Variants in ATRN observed in about 807,000 individuals in gnomAD.
ATRN encodes the protein attractin, also known as attractin-2.
ATRN carries 54 observed loss-of-function variants against 178.7 expected under a neutral mutation model. The ratio of observed to expected loss-of-function variants is 0.30; its 90% CI spans 0.24 to 0.38. The LOEUF is 0.38. ATRN is among the 10% of genes least tolerant of loss of function. The pLI is 1.00. For synonymous variants in ATRN, 636 were observed against 663.0 expected (o/e 0.96, Z 0.63); for missense variants, 1,443 against 1,815.1 (o/e 0.79, Z 3.73).
At position 3,578,711 on chromosome 20, in the gene ATRN, C is replaced by T. The variant is rs1402948480; in HGVS notation, c.2483C>T (p.Thr828Ile). Residue 828 changes from threonine (T) to isoleucine (I), a missense_variant, in exon 15 of 29, where the codon ACC (threonine) becomes ATC (isoleucine). Coordinates refer to ENST00000262919, the MANE Select transcript of ATRN (RefSeq NM_139321.3). ...NHNALLASLT[T>I]QKKVEFVLKQ... Reference sequence around the variant, plus strand: ...AATGCCCTTTTGGCTTCTCTTACAACCCAGAAGAAGGTAGAATTTGTCCTT... The same window carrying T: ...AATGCCCTTTTGGCTTCTCTTACAATCCAGAAGAAGGTAGAATTTGTCCTT... 1.9e-6 allele frequency: 3 copies of T among 1,614,096 alleles called. No individual in the cohort carries two copies. Among genetic ancestry groups the T allele is most frequent in the Non-Finnish European group, 2.5e-6 (3 of 1,179,988 alleles).
At chr20:3,479,318 C>T (rs1229475573) in intron 1 of ATRN, among the ~76,000 whole-genome samples, 1 of 152,156 alleles carries the variant, frequency 6.6e-6, no homozygotes, top group African/African-American at 2.4e-5. Context: ...CCTTGCTTTC[C>T]CCTAAGAGAA....
intron 27 of ATRN, among the ~76,000 whole-genome samples, chr20:3,640,721 A>AAC (rs1410005896): frequency 6.6e-6 from 1 of 152,236 alleles, no homozygotes; most frequent in South Asian, 2.1e-4. Flanking sequence ...TTCCCCCCAG[A>AAC]ATTAAAAGTA....
intron 3 of ATRN, among the ~76,000 whole-genome samples, 179 bp from the exon 4 acceptor site, chr20:3,545,583 T>C (rs1346983644): frequency 6.6e-6 from 1 of 152,228 alleles, no homozygotes; most frequent in Non-Finnish European, 1.5e-5. Flanking sequence ...GATTCAGATC[T>C]GTTCCTCAAG....
At position 3,645,331 on chromosome 20, in the gene ATRN, C is replaced by T. The variant is rs16988798; in HGVS notation, c.4165+1063C>T. On this transcript the variant is annotated intron_variant, in intron 28 of 28. Coordinates refer to ENST00000262919, the MANE Select transcript of ATRN (RefSeq NM_139321.3). The surrounding 1 kb of genome is among the most constrained non-coding windows in gnomAD (Gnocchi z 4.7). The stretch of plus-strand genomic sequence containing the variant: ...TAGTATCTTCACGAGGGAGGCCTTT[C>T]GACATGGCTCGGCCAGGATTCATTG... Among the ~76,000 whole-genome samples the T allele has an allele frequency of 0.017, 2,542 of 152,322 alleles. 72 individuals carry two copies. Among genetic ancestry groups the T allele is most frequent in the African/African-American group, 0.058 (2,411 of 41,560 alleles).
At chr20:3,600,860 C>A in intron 22 of ATRN, 86 bp from the exon 23 acceptor site, 1 of 1,236,998 alleles carries the variant, frequency 8.1e-7, no homozygotes. Flanking sequence ...TGATTAAGAA[C>A]ATTTAGAGGA....
intron 1 of ATRN, among the ~76,000 whole-genome samples, chr20:3,486,379 CTTTTCCTTTTTCTTT>C (rs1449400919): frequency 1.4e-5 from 2 of 140,158 alleles, no homozygotes; most frequent in East Asian, 1.9e-4. Context: ...GGTTGTTTTT[CTTTTCCTTTTTCTTT>C]TTTTCCTTTT....
At chr20:3,486,960 G>T (rs1175171855) in intron 1 of ATRN, among the ~76,000 whole-genome samples, 2 of 151,996 alleles carry the variant, frequency 1.3e-5, no homozygotes, top group African/African-American at 4.8e-5. Context: ...GACACATGTT[G>T]CCTATTCTTT....
At position 3,553,635 on chromosome 20, in the gene ATRN, C is replaced by T. The variant is rs141710964; in HGVS notation, c.1112+4297C>T. Among the ~76,000 whole-genome samples the T allele has an allele frequency of 3.5e-3, 537 of 152,306 alleles. 1 individual carries two copies. The highest frequency in any genetic ancestry group is 0.012 in the African/African-American group (515 of 41,564). On this transcript the variant is annotated intron_variant, in intron 6 of 28. Transcript: ENST00000262919. ...CTTCCCAGACTCAGTCTTTTCCTCT[C>T]CTGCCATCATTCACAGCACTCCTGC...
chr20:3,604,839 C>T (rs1463659319), intron 24 of ATRN, among the ~76,000 whole-genome samples: 2 of 152,176 alleles, frequency 1.3e-5, no homozygotes, highest in African/African-American at 4.8e-5. Context: ...TTGTAAGGGG[C>T]TGTGCAGCTG....
At chr20:3,518,592 G>A (rs1233672765) in intron 1 of ATRN, among the ~76,000 whole-genome samples, 2 of 152,204 alleles carry the variant, frequency 1.3e-5, no homozygotes, top group Non-Finnish European at 2.9e-5. Context: ...AAAAGAGTAA[G>A]TCTTACGGAA....
chr20:3,566,482 A>G (rs1227880609), intron 11 of ATRN, among the ~76,000 whole-genome samples: 3 of 152,160 alleles, frequency 2.0e-5, no homozygotes, highest in Non-Finnish European at 2.9e-5. Context: ...CCTTTTTTAA[A>G]ATTCTAAGCC....
At chr20:3,491,158 C>T (rs80049669) in intron 1 of ATRN, among the ~76,000 whole-genome samples, 4 of 150,828 alleles carry the variant, frequency 2.7e-5, no homozygotes, top group African/African-American at 9.7e-5. Context: ...GGAAAAAAAT[C>T]AAAAAAAACC....
At chr20:3,589,025 C>T (rs1249586456) in intron 18 of ATRN, among the ~76,000 whole-genome samples, 2 of 126,160 alleles carry the variant, frequency 1.6e-5, no homozygotes, top group Non-Finnish European at 3.1e-5. Context: ...CTCTTTCACC[C>T]AGTCTGGAGT....
intron 15 of ATRN, among the ~76,000 whole-genome samples, chr20:3,581,441 A>G (rs2086281513): frequency 6.6e-6 from 1 of 152,220 alleles, no homozygotes; most frequent in Admixed American, 6.5e-5. Context: ...ATTATTCCCT[A>G]TAAAATCCAG....
intron 1 of ATRN, chr20:3,491,027 C>T (rs2084785884): frequency 6.3e-6 from 8 of 1,276,614 alleles, no homozygotes. Context: ...CGCAGCCTCT[C>T]TTAAAAATTT....
chr20:3,529,941 T>G (rs1203689684), intron 1 of ATRN, among the ~76,000 whole-genome samples: 2 of 152,132 alleles, frequency 1.3e-5, no homozygotes, highest in East Asian at 3.9e-4. Flanking sequence ...CAAGTCCTGT[T>G]TCGAAGAAGC....
chr20:3,517,436 A>G (rs1273787709), intron 1 of ATRN, among the ~76,000 whole-genome samples: 1 of 152,096 alleles, frequency 6.6e-6, no homozygotes, highest in Non-Finnish European at 1.5e-5. Flanking sequence ...CATTTTCCAA[A>G]TTTTCTGCAC....
intron 1 of ATRN, among the ~76,000 whole-genome samples, chr20:3,518,225 C>T (rs771154776): frequency 5.9e-5 from 9 of 152,248 alleles, no homozygotes; most frequent in Non-Finnish European, 1.0e-4. Context: ...GCACTGCATT[C>T]GAATTTCATC....
chr20:3,588,031 G>A (rs1051194512), intron 18 of ATRN, among the ~76,000 whole-genome samples: 7 of 152,062 alleles, frequency 4.6e-5, no homozygotes, highest in African/African-American at 1.7e-4. Flanking sequence ...TATTTTTTTA[G>A]AGACAGGGTT....
Sources: gnomAD v4.1 joint callset for allele counts (sites outside exome capture counted in the v4.1 genomes callset) on GRCh38, gnomAD v4.1.1 for gene constraint, Gnocchi (gnomAD v3.1) non-coding constraint, MANE v1.5 for transcripts, NCBI Gene and HGNC (gene_info 2026-07-23, HGNC 2026-07-21) for gene names.